The following PIK3C2G variants were observed in gnomAD, a reference collection of about 807,000 sequenced individuals.
PIK3C2G encodes phosphatidylinositol-4-phosphate 3-kinase catalytic subunit type 2 gamma.
PIK3C2G carries 168 observed loss-of-function variants against 181.1 expected under a neutral mutation model. That is an observed-to-expected ratio of 0.93 (90% confidence interval 0.82 to 1.05). PIK3C2G has a LOEUF of 1.05. PIK3C2G is among the 50% of genes least tolerant of loss of function. The pLI is 0.00. For missense variants in PIK3C2G, 1,869 were observed against 1,732.8 expected (o/e 1.08, Z -1.40); for synonymous variants, 573 against 592.2 (o/e 0.97, Z 0.47).
chr12:18,463,833 A>G (rs1192296593), intron 18 of PIK3C2G, among the ~76,000 whole-genome samples: 4 of 152,122 alleles, frequency 2.6e-5, no homozygotes, highest in African/African-American at 9.7e-5. Context: ...TATTATCCAT[A>G]AATGAGTTTG....
At chr12:18,381,738 CTGTG>C in intron 13 of PIK3C2G, 24 bp from the exon 14 acceptor site, 31 of 1,209,836 alleles carry the variant, frequency 2.6e-5, no homozygotes, top group Non-Finnish European at 3.5e-5. Context: ...TGACTCCTGT[CTGTG>C]TGTGTGTGTG....
chr12:18,421,327 G>A (rs118135565), intron 17 of PIK3C2G, among the ~76,000 whole-genome samples: 2,396 of 151,952 alleles, frequency 0.016, 29 homozygotes, highest in Non-Finnish European at 0.027. Context: ...TATATAAAAT[G>A]ATAAAAATTA....
intron 29 of PIK3C2G, among the ~76,000 whole-genome samples, chr12:18,581,751 G>T (rs1333043720): frequency 6.6e-6 from 1 of 152,174 alleles, no homozygotes; most frequent in Non-Finnish European, 1.5e-5. Context: ...TGGAAATACT[G>T]ATAATGCAGT....
chr12:18,659,185 A>G, the PIK3C2G span, among the ~76,000 whole-genome samples: 2 of 152,176 alleles, frequency 1.3e-5, no homozygotes, highest in Non-Finnish European at 2.9e-5. Context: ...GCTAATATAT[A>G]AAGGTACTCA....
chr12:18,616,379 T>G (rs918833498), intron 31 of PIK3C2G, among the ~76,000 whole-genome samples: 6 of 152,058 alleles, frequency 3.9e-5, no homozygotes, highest in Non-Finnish European at 8.8e-5. Context: ...GTGAAAAATA[T>G]CCACAATCCA....
downstream of PIK3C2G, among the ~76,000 whole-genome samples, chr12:18,650,929 A>G (rs890891081): frequency 7.3e-5 from 11 of 151,324 alleles, no homozygotes; most frequent in Admixed American, 6.6e-5. Flanking sequence ...CCTCCTTTCT[A>G]TGCTTACTCT....
chr12:18,582,604 A>T (rs74068099), intron 29 of PIK3C2G, among the ~76,000 whole-genome samples: 1 of 152,120 alleles, frequency 6.6e-6, no homozygotes, highest in Non-Finnish European at 1.5e-5. Context: ...CTGAGCAGCA[A>T]TGGTGTGCAG....
At chr12:18,496,228 T>C (rs1400097516) in intron 21 of PIK3C2G, 74 bp downstream of exon 21, 7 of 893,878 alleles carry the variant, frequency 7.8e-6, no homozygotes, top group African/African-American at 1.8e-5. Flanking sequence ...AAAAAGAAAT[T>C]GTTGTGGCTA....
At chr12:18,705,215 A>G in the PIK3C2G span, 11 of 1,614,060 alleles carry the variant, frequency 6.8e-6, no homozygotes, top group Non-Finnish European at 9.3e-6. Flanking sequence ...ATCAGAAAGC[A>G]AGGACTCTCC....
At chr12:18,302,636 G>T (rs1390708939) in intron 5 of PIK3C2G, among the ~76,000 whole-genome samples, 1 of 152,104 alleles carries the variant, frequency 6.6e-6, no homozygotes, top group Non-Finnish European at 1.5e-5. Flanking sequence ...CGCATGCTTG[G>T]GTCCTGGTGG....
At chr12:18,427,240 T>A (rs1489998550) in intron 18 of PIK3C2G, among the ~76,000 whole-genome samples, 1 of 151,778 alleles carries the variant, frequency 6.6e-6, no homozygotes, top group Non-Finnish European at 1.5e-5. Flanking sequence ...GCGTGGTGGC[T>A]CACGTCTGTA....
chr12:18,610,106 G>T lies in PIK3C2G; in HGVS notation c.4182+477G>T, dbSNP rs1227076473. ...CTATTACATGCCACTTAAGGTTGGG[G>T]CAAGTCAGAGGCAATGATGGTAACT... On this transcript the variant is annotated intron_variant, in intron 31 of 32. Transcript: ENST00000538779. 2.0e-5 allele frequency among the ~76,000 whole-genome samples: 3 copies of T among 152,058 alleles called. No homozygotes were observed. The East Asian group carries it at 5.8e-4, about 29-fold the overall frequency.
chr12:18,448,079 T>A (rs991578227), intron 18 of PIK3C2G, among the ~76,000 whole-genome samples: 2 of 152,244 alleles, frequency 1.3e-5, no homozygotes, highest in East Asian at 3.9e-4. Flanking sequence ...ACGAAGAATA[T>A]TCAATAACAT....
Position 18,391,187 on chromosome 12 carries a change from T to C in PIK3C2G, c.2061T>C (p.Leu687=), listed in dbSNP as rs1010915700. The stretch of plus-strand genomic sequence containing the variant: ...ATTCTGAAGAGAATAGAAGTAATCT[T>C]GAAGAGCCACTAAAGGAGTGTATAA... ...KPDSEENRSN[L]EEPLKECIKH... is the part of the protein sequence containing the mutation. Residue 687 remains leucine, a synonymous_variant, in exon 15 of 33, where the codon CTT becomes CTC. Transcript: ENST00000538779. 3.1e-6 allele frequency: 5 copies of C among 1,609,648 alleles called. No homozygotes were observed. Among genetic ancestry groups the C allele is most frequent in the Non-Finnish European group, 4.2e-6 (5 of 1,177,274 alleles).
At chr12:18,577,663 A>T (rs564151815) in intron 29 of PIK3C2G, among the ~76,000 whole-genome samples, 5 of 152,176 alleles carry the variant, frequency 3.3e-5, no homozygotes, top group Non-Finnish European at 7.3e-5. Context: ...GTCTTGTTCC[A>T]TAATAGTCTC....
At chr12:18,453,743 G>C (rs1592298113) in intron 18 of PIK3C2G, among the ~76,000 whole-genome samples, 1 of 113,942 alleles carries the variant, frequency 8.8e-6, no homozygotes, top group Non-Finnish European at 1.9e-5. Context: ...AATTAAAAGA[G>C]AGAGAGAAAG....
chr12:18,500,206 G>C (rs1941326389), intron 22 of PIK3C2G, among the ~76,000 whole-genome samples: 1 of 152,150 alleles, frequency 6.6e-6, no homozygotes, highest in Non-Finnish European at 1.5e-5. Flanking sequence ...TGGAGTTCCA[G>C]GTGGGCGTGG....
chr12:18,310,465 G>A (rs754714736), intron 5 of PIK3C2G, among the ~76,000 whole-genome samples: 1 of 151,774 alleles, frequency 6.6e-6, no homozygotes, highest in South Asian at 2.1e-4. Flanking sequence ...ATTTCATCAA[G>A]TAAGTGATAA....
At chr12:18,591,285 T>G (rs1026872048) in intron 29 of PIK3C2G, among the ~76,000 whole-genome samples, 1 of 151,922 alleles carries the variant, frequency 6.6e-6, no homozygotes, top group African/African-American at 2.4e-5. Flanking sequence ...TAAACTGCTG[T>G]GCAGATAAGA....
Sources: allele counts gnomAD v4.1 joint callset (sites outside exome capture counted in the v4.1 genomes callset), GRCh38; gene constraint gnomAD v4.1.1; transcripts MANE v1.5; gene names NCBI Gene and HGNC (gene_info 2026-07-23, HGNC 2026-07-21).